PTPRD: variants seen among roughly 807,000 people sequenced by gnomAD.
The protein encoded by PTPRD is receptor-type tyrosine-protein phosphatase delta.
PTPRD carries 34 observed loss-of-function variants against 214.5 expected under a neutral mutation model. The ratio of observed to expected loss-of-function variants is 0.16; its 90% CI spans 0.12 to 0.21. The LOEUF is 0.21. Among genes scored for constraint, PTPRD ranks in the 10% least tolerant of loss-of-function variants. PTPRD has a pLI of 1.00. For synonymous variants in PTPRD, 1,128 were observed against 845.7 expected (o/e 1.33, Z -5.79); for missense variants, 2,545 against 2,398.7 (o/e 1.06, Z -1.27).
chr9:8,934,491 A>T (rs1281340869), intron 11 of PTPRD, among the ~76,000 whole-genome samples: 1 of 7,308 alleles, frequency 1.4e-4, no homozygotes, highest in African/African-American at 4.6e-4. Flanking sequence ...ATATATATAT[A>T]TAAATATATA....
At chr9:8,749,805 A>G in intron 11 of PTPRD, among the ~76,000 whole-genome samples, 1 of 152,148 alleles carries the variant, frequency 6.6e-6, no homozygotes, top group Non-Finnish European at 1.5e-5. Flanking sequence ...ATAAACGTAC[A>G]AGACAGCAAG....
At chr9:8,880,578 C>T (rs1293778170) in intron 11 of PTPRD, among the ~76,000 whole-genome samples, 1 of 152,014 alleles carries the variant, frequency 6.6e-6, no homozygotes, top group Non-Finnish European at 1.5e-5. Flanking sequence ...TACATTACTG[C>T]AAAGACAAGC....
Position 8,721,825 on chromosome 9 carries a change from C to G in PTPRD, c.64+11955G>C, listed in dbSNP as rs893867628. On this transcript the variant is annotated intron_variant, in intron 12 of 45. Coordinates refer to ENST00000381196, the MANE Select transcript of PTPRD (RefSeq NM_002839.4). ...CTGATTTCAAGAGCTTGTGAAAGGTCTATCATATTTCTAACAAAATTTCTC... is the reference window on the plus strand; with the variant it reads ...CTGATTTCAAGAGCTTGTGAAAGGTGTATCATATTTCTAACAAAATTTCTC... Among the ~76,000 whole-genome samples, 3 of 152,204 alleles carry G rather than the reference C, an allele frequency of 2.0e-5. No homozygotes were observed. In the South Asian group the frequency reaches 6.2e-4, roughly 32 times the overall value.
Position 10,482,289 on chromosome 9 carries a change from T to C in PTPRD, c.-600+130109A>G, listed in dbSNP as rs567584972. On this transcript the variant is annotated intron_variant, in intron 2 of 45. Coordinates refer to ENST00000381196, the MANE Select transcript of PTPRD (RefSeq NM_002839.4). The stretch of plus-strand genomic sequence containing the variant: ...AGGAGGCTGAGGCAGGAGAATGGCA[T>C]GAACCCGGGAGGTGGAGCTTACAGT... Among the ~76,000 whole-genome samples the C allele has an allele frequency of 6.6e-5, 10 of 152,114 alleles. No homozygotes were observed. In the East Asian group the frequency reaches 9.7e-4, roughly 15 times the overall value.
At chr9:9,407,495 T>G (rs1489674370) in intron 8 of PTPRD, among the ~76,000 whole-genome samples, 1 of 151,796 alleles carries the variant, frequency 6.6e-6, no homozygotes, top group East Asian at 1.9e-4. Flanking sequence ...AAAATAAAAG[T>G]GGATACCTCT....
chr9:10,448,309 CA>C (rs2098813510), intron 2 of PTPRD, among the ~76,000 whole-genome samples: 1 of 151,818 alleles, frequency 6.6e-6, no homozygotes, highest in South Asian at 2.1e-4. Context: ...AAACAGAGGG[CA>C]ACAAAGAGGT....
intron 5 of PTPRD, among the ~76,000 whole-genome samples, chr9:9,820,757 A>G (rs1410184338): frequency 6.6e-6 from 1 of 151,946 alleles, no homozygotes; most frequent in East Asian, 1.9e-4. Flanking sequence ...CCCATTGCTT[A>G]TTTTTGTCAG....
In PTPRD at chr9:10,318,616, T is replaced by A. The variant is rs565244533; in HGVS notation, c.-545+22347A>T. Among the ~76,000 whole-genome samples, 3 of 152,160 alleles carry A rather than the reference T, an allele frequency of 2.0e-5. No homozygotes were observed. In the South Asian group the frequency reaches 6.2e-4, roughly 32 times the overall value. ...AAGGGAGTTCGTTTATATTTATTTA[T>A]TTATTTAATTTTTTGAGACAGGGTC... On this transcript the variant is annotated intron_variant, in intron 3 of 45. Coordinates refer to ENST00000381196, the MANE Select transcript of PTPRD (RefSeq NM_002839.4).
At chr9:9,635,427 C>T (rs1470566088) in intron 7 of PTPRD, among the ~76,000 whole-genome samples, 1 of 152,126 alleles carries the variant, frequency 6.6e-6, no homozygotes, top group Non-Finnish European at 1.5e-5. Context: ...CTAGTGCTTC[C>T]TATAGAAACA....
intron 35 of PTPRD, among the ~76,000 whole-genome samples, chr9:8,419,223 C>T (rs1377126743): frequency 7.0e-6 from 1 of 142,050 alleles, no homozygotes; most frequent in African/African-American, 2.6e-5. Context: ...ATGACCCACT[C>T]TCCAAAAAAT....
chr9:8,583,603 A>C (rs1162736660), intron 14 of PTPRD, among the ~76,000 whole-genome samples: 1 of 152,380 alleles, frequency 6.6e-6, no homozygotes, highest in East Asian at 1.9e-4. Flanking sequence ...AAAACATGAA[A>C]ACCTATGCCA....
rs1013449185 is a variant in PTPRD at position 9,353,937 on chromosome 9, G to A, written c.-203+43512C>T. ...TGAGGAAGCTTCCAAGTTCTTTCAGGTTATTGAAAAAAATTAACTTCTTTG... is the reference window on the plus strand; with the variant it reads ...TGAGGAAGCTTCCAAGTTCTTTCAGATTATTGAAAAAAATTAACTTCTTTG... On this transcript the variant is annotated intron_variant, in intron 9 of 45. Transcript: ENST00000381196. Among the ~76,000 whole-genome samples, 6 of 151,428 alleles carry A rather than the reference G, an allele frequency of 4.0e-5. 1 individual carries two copies. In the South Asian group the frequency reaches 1.3e-3, roughly 32 times the overall value.
intron 10 of PTPRD, among the ~76,000 whole-genome samples, chr9:9,146,918 G>C (rs1226478934): frequency 3.3e-5 from 5 of 152,104 alleles, no homozygotes; most frequent in Non-Finnish European, 7.4e-5. Flanking sequence ...ACGTGGAGCA[G>C]CTGCAGTGAT....
chr9:8,779,953 A>C (rs930135783), intron 11 of PTPRD, among the ~76,000 whole-genome samples: 7 of 151,926 alleles, frequency 4.6e-5, no homozygotes, highest in African/African-American at 1.7e-4. Context: ...CTGAATAATT[A>C]CTGTTACTAA....
intron 2 of PTPRD, among the ~76,000 whole-genome samples, chr9:10,384,286 C>A (rs1240974772): frequency 1.3e-5 from 2 of 151,152 alleles, no homozygotes; most frequent in Non-Finnish European, 3.0e-5. Flanking sequence ...TCTCATGTAC[C>A]CCATAAATAT....
At chr9:10,448,085 T>G (rs1320670731) in intron 2 of PTPRD, among the ~76,000 whole-genome samples, 1 of 152,014 alleles carries the variant, frequency 6.6e-6, no homozygotes, top group Non-Finnish European at 1.5e-5. Context: ...GAGCCCCAAA[T>G]ATAATTGAAT....
chr9:9,599,879 T>C (rs656074), intron 7 of PTPRD, among the ~76,000 whole-genome samples: 41,657 of 151,898 alleles, frequency 0.27, 7,205 homozygotes, highest in Non-Finnish European at 0.38. Flanking sequence ...ATGAAGCAAA[T>C]TGTAAAACTC....
At chr9:8,358,194 G>A (rs967994573) in intron 39 of PTPRD, among the ~76,000 whole-genome samples, 2 of 152,008 alleles carry the variant, frequency 1.3e-5, no homozygotes, top group African/African-American at 4.8e-5. Context: ...TATCTCTAAC[G>A]GTTGAAAGTT....
chr9:10,245,515 C>T (rs1414607454), intron 3 of PTPRD, among the ~76,000 whole-genome samples: 4 of 152,086 alleles, frequency 2.6e-5, no homozygotes, highest in Non-Finnish European at 5.9e-5. Context: ...CAAGGTGGCC[C>T]CACAAGCACT....
Sources: allele counts gnomAD v4.1 joint callset (sites outside exome capture counted in the v4.1 genomes callset), GRCh38; gene constraint gnomAD v4.1.1; transcripts MANE v1.5; gene names NCBI Gene and HGNC (gene_info 2026-07-23, HGNC 2026-07-21).